The following CTNNA3 variants were observed in gnomAD, a reference collection of about 807,000 sequenced individuals.
The protein encoded by CTNNA3 is catenin alpha-3.
A neutral mutation model predicts 95.7 loss-of-function variants in CTNNA3; 76 were observed. The observed-to-expected ratio is 0.79, with a 90% CI of 0.66 to 0.96. The LOEUF is 0.96. Ranked by LOEUF, CTNNA3 falls within the 40% of genes least tolerant of loss-of-function variation. The probability of loss-of-function intolerance (pLI) is 0.00; values close to 1 mark genes in which losing one functional copy is unlikely to be tolerated. For synonymous variants in CTNNA3, 431 were observed against 374.4 expected, an observed-to-expected ratio of 1.15 and a Z score of -1.74; for missense variants, 1,191 against 1,089.8, an observed-to-expected ratio of 1.09 and a Z score of -1.31.
chr10:66,186,669 T>A (rs2086360427), intron 13 of CTNNA3, among the ~76,000 whole-genome samples: 1 of 152,150 alleles, frequency 6.6e-6, no homozygotes. Context: ...TATGGTTTTA[T>A]CCAGTCAAGA....
chr10:66,093,191 G>A (rs1007519133), intron 14 of CTNNA3, among the ~76,000 whole-genome samples: 1 of 151,842 alleles, frequency 6.6e-6, no homozygotes, highest in Non-Finnish European at 1.5e-5. Context: ...ATTTTTCTCT[G>A]TCTAGATTTT....
At chr10:66,413,874 T>C (rs935448456) in intron 11 of CTNNA3, among the ~76,000 whole-genome samples, 2 of 152,136 alleles carry the variant, frequency 1.3e-5, no homozygotes, top group Non-Finnish European at 2.9e-5. Flanking sequence ...CAATCAACAA[T>C]AGGTACAACT....
At chr10:66,694,146 C>A (rs1199753357) in intron 9 of CTNNA3, among the ~76,000 whole-genome samples, 6 of 151,990 alleles carry the variant, frequency 3.9e-5, no homozygotes, top group African/African-American at 1.5e-4. Flanking sequence ...ACACAAAGTA[C>A]CCTTCAAAAA....
At chr10:66,356,734 AG>A (rs2092613809) in intron 12 of CTNNA3, among the ~76,000 whole-genome samples, 1 of 152,050 alleles carries the variant, frequency 6.6e-6, no homozygotes, top group Admixed American at 6.6e-5. Flanking sequence ...GAATGATGTT[AG>A]CTGTGGGCTT....
At chr10:66,475,280 G>T (rs141850756) in intron 11 of CTNNA3, among the ~76,000 whole-genome samples, 1 of 151,940 alleles carries the variant, frequency 6.6e-6, no homozygotes, top group South Asian at 2.1e-4. Flanking sequence ...ATGGATTAAA[G>T]ACTTAAATTT....
At chr10:66,370,580 A>C (rs1470926301) in intron 12 of CTNNA3, among the ~76,000 whole-genome samples, 2 of 152,186 alleles carry the variant, frequency 1.3e-5, no homozygotes, top group Non-Finnish European at 2.9e-5. Flanking sequence ...GAGCTTTCAG[A>C]TCTTGAGCTC....
chr10:66,196,059 TA>T (rs2086942656), intron 13 of CTNNA3, among the ~76,000 whole-genome samples: 1 of 151,992 alleles, frequency 6.6e-6, no homozygotes, highest in Non-Finnish European at 1.5e-5. Flanking sequence ...TAAAAGAAAA[TA>T]ATATAATGTT....
At chr10:66,369,952 G>A (rs986612837) in intron 12 of CTNNA3, among the ~76,000 whole-genome samples, 14 of 151,958 alleles carry the variant, frequency 9.2e-5, no homozygotes, top group African/African-American at 1.9e-4. Flanking sequence ...CATAAAAATT[G>A]GCATGAAAGA....
intron 7 of CTNNA3, among the ~76,000 whole-genome samples, chr10:66,977,484 G>A (rs962617137): frequency 6.6e-6 from 1 of 151,764 alleles, no homozygotes; most frequent in Non-Finnish European, 1.5e-5. Context: ...CTCAGCCTAA[G>A]CTTAGCAATA....
Position 66,968,209 on chromosome 10 carries a change from G to A in CTNNA3, c.1048-192685C>T, listed in dbSNP as rs114964239. 1.2e-3 allele frequency among the ~76,000 whole-genome samples: 181 copies of A among 152,084 alleles called. 2 individuals carry two copies. Among genetic ancestry groups the A allele is most frequent in the African/African-American group, 4.0e-3 (164 of 41,498 alleles). On this transcript the variant is annotated intron_variant, in intron 7 of 17. Coordinates refer to ENST00000433211, the MANE Select transcript of CTNNA3 (RefSeq NM_013266.4). ...CTCTACCATCATCAAATAAGAGTAT[G>A]TTGCTGGCTGTGGATTTTGGTATAG... is the stretch of plus-strand genomic sequence containing the variant.
chr10:66,565,741 G>A (rs1448464614), intron 10 of CTNNA3, among the ~76,000 whole-genome samples: 4 of 152,122 alleles, frequency 2.6e-5, no homozygotes, highest in African/African-American at 4.8e-5. Flanking sequence ...GGTCTCTCAG[G>A]TATAGGCTTT....
At chr10:66,541,800 G>C (rs1443592240) in intron 10 of CTNNA3, among the ~76,000 whole-genome samples, 1 of 152,052 alleles carries the variant, frequency 6.6e-6, no homozygotes, top group Admixed American at 6.6e-5. Context: ...ACACGTAAGA[G>C]ATTTATACTA....
chr10:66,172,949 G>T (rs1407769143), intron 13 of CTNNA3, among the ~76,000 whole-genome samples: 1 of 152,102 alleles, frequency 6.6e-6, no homozygotes, highest in East Asian at 1.9e-4. Context: ...CAAATTTACA[G>T]CCCTCAAATA....
At chr10:66,279,976 C>G (rs5006568) in intron 13 of CTNNA3, among the ~76,000 whole-genome samples, 11,412 of 151,742 alleles carry the variant, frequency 0.075, 1,261 homozygotes, top group African/African-American at 0.24. Flanking sequence ...AGACTGGGAC[C>G]CTTGAAGTGT....
intron 7 of CTNNA3, among the ~76,000 whole-genome samples, chr10:66,929,783 GT>G (rs1847268977): frequency 2.0e-5 from 3 of 152,220 alleles, no homozygotes; most frequent in African/African-American, 7.2e-5. Flanking sequence ...ATTGGTGAAA[GT>G]TTATTGACTG....
intron 10 of CTNNA3, among the ~76,000 whole-genome samples, chr10:66,567,288 A>T (rs1367700114): frequency 1.3e-5 from 2 of 152,180 alleles, no homozygotes; most frequent in Middle Eastern, 3.4e-3. Flanking sequence ...TATATTATAC[A>T]TTCTCCAGAA....
intron 1 of CTNNA3, among the ~76,000 whole-genome samples, chr10:67,739,060 G>C (rs955768224): frequency 4.6e-5 from 7 of 152,110 alleles, no homozygotes; most frequent in African/African-American, 1.7e-4. Flanking sequence ...TAGCAAGGCA[G>C]GGCAACATTC....
At chr10:66,319,366 C>T (rs1023747922) in intron 12 of CTNNA3, among the ~76,000 whole-genome samples, 1 of 152,024 alleles carries the variant, frequency 6.6e-6, no homozygotes, top group Admixed American at 6.6e-5. Flanking sequence ...GCAATATGCC[C>T]AGTTAAAATC....
chr10:66,486,638 C>CA (rs1293625054), intron 11 of CTNNA3, among the ~76,000 whole-genome samples: 1 of 151,906 alleles, frequency 6.6e-6, no homozygotes, highest in Non-Finnish European at 1.5e-5. Context: ...GTATAGAAGT[C>CA]AAAAAAACTA....
Sources: allele counts gnomAD v4.1 joint callset (sites outside exome capture counted in the v4.1 genomes callset), GRCh38; gene constraint gnomAD v4.1.1; transcripts MANE v1.5; gene names NCBI Gene and HGNC (gene_info 2026-07-23, HGNC 2026-07-21).